The following HECW1 variants were observed in gnomAD, a reference collection of about 807,000 sequenced individuals.
HECW1 encodes E3 ubiquitin-protein ligase HECW1.
In HECW1, 61 loss-of-function variants were observed where a neutral mutation model predicts 182.3. That is an observed-to-expected ratio of 0.33 (90% confidence interval 0.27 to 0.41). The LOEUF (loss-of-function observed/expected upper bound fraction) is 0.41. HECW1 is among the 10% of genes least tolerant of loss of function. The probability of loss-of-function intolerance (pLI) is 1.00; values close to 1 mark genes in which losing one functional copy is unlikely to be tolerated. For missense variants in HECW1, 1,739 were observed against 2,108.9 expected (o/e 0.82, Z 3.44); for synonymous variants, 859 against 832.6 (o/e 1.03, Z -0.55).
chr7:43,134,911 T>G (rs1409808827), intron 2 of HECW1, among the ~76,000 whole-genome samples: 1 of 152,222 alleles, frequency 6.6e-6, no homozygotes, highest in East Asian at 1.9e-4. Flanking sequence ...TTTAAGAGTT[T>G]TAAAAAATGT....
chr7:43,558,590 G>A (rs1056652355), intron 29 of HECW1, among the ~76,000 whole-genome samples: 1 of 152,112 alleles, frequency 6.6e-6, no homozygotes, highest in Non-Finnish European at 1.5e-5. Context: ...AGAAGCCAAG[G>A]ATGCTGCTAA....
intron 2 of HECW1, among the ~76,000 whole-genome samples, chr7:43,144,702 C>T (rs566291531): frequency 6.6e-6 from 1 of 152,156 alleles, no homozygotes; most frequent in Admixed American, 6.5e-5. Context: ...TTTTCTAGAG[C>T]ACTTTCTTAT....
Position 43,450,695 on chromosome 7 carries a change from G to A in HECW1, c.2399-133G>A, listed in dbSNP as rs549757596. ...CGAATGACTGTGAATGTAGCAAACT[G>A]ACACACACACACAAATGGATTTCCC... On this transcript the variant is annotated intron_variant, in intron 11 of 29. Coordinates refer to ENST00000395891, the MANE Select transcript of HECW1 (RefSeq NM_015052.5). 9.5e-6 allele frequency: 6 copies of A among 631,340 alleles called. No homozygotes were observed. The Admixed American group carries it at 1.6e-4, about 17-fold the overall frequency. The allele number at this position is 631,340 out of a possible 1,614,324, so 39.1% of individuals were successfully genotyped here.
intron 8 of HECW1, among the ~76,000 whole-genome samples, chr7:43,437,139 C>T (rs1040825731): frequency 9.9e-5 from 15 of 152,226 alleles, no homozygotes; most frequent in African/African-American, 3.4e-4. Flanking sequence ...CCCCTCTAGA[C>T]ATTTTCTCTG....
chr7:43,351,678 C>CTTTT lies in HECW1; in HGVS notation c.461-9192_461-9189dup, dbSNP rs200929407. 5.8e-5 allele frequency among the ~76,000 whole-genome samples: 7 copies of CTTTT among 120,546 alleles called. No individual in the cohort carries two copies. The East Asian group carries it at 7.1e-4, about 12-fold the overall frequency. 79.1% of individuals were successfully genotyped at this position (120,546 alleles called of 152,430 possible). ...TTGTCAGCTGTTTTTTTTCTTTCTT[C>CTTTT]TTTTTTTTTTTTTTTTTTTACATTG... On this transcript the variant is annotated intron_variant, in intron 5 of 29. Transcript: ENST00000395891.
At chr7:43,307,929 T>C (rs117812813) in intron 3 of HECW1, among the ~76,000 whole-genome samples, 1,847 of 106,134 alleles carry the variant, frequency 0.017, 52 homozygotes, top group African/African-American at 0.053. Flanking sequence ...CACACACACA[T>C]ATAGTGAAAT....
At chr7:43,295,186 C>A (rs773827455) in intron 3 of HECW1, among the ~76,000 whole-genome samples, 1 of 151,990 alleles carries the variant, frequency 6.6e-6, no homozygotes, top group South Asian at 2.1e-4. Context: ...AGCAGAGGGA[C>A]GACTTTGAGT....
intron 2 of HECW1, among the ~76,000 whole-genome samples, chr7:43,164,978 C>G (rs762301079): frequency 5.3e-5 from 8 of 152,192 alleles, no homozygotes; most frequent in East Asian, 1.9e-4. Flanking sequence ...AGGTTCCTCT[C>G]TCTCTGAGTC....
chr7:43,474,997 T>C (rs2078167736), intron 16 of HECW1, among the ~76,000 whole-genome samples: 1 of 152,198 alleles, frequency 6.6e-6, no homozygotes. Flanking sequence ...TGAGGAGTTA[T>C]TGTTTTGTGG....
chr7:43,447,168 C>CTT (rs34563804), intron 11 of HECW1, among the ~76,000 whole-genome samples: 72 of 146,392 alleles, frequency 4.9e-4, no homozygotes, highest in African/African-American at 8.5e-4. Context: ...CACTAAAAAG[C>CTT]TTTTTTTTTT....
At chr7:43,422,393 C>T (rs1469118132) in intron 8 of HECW1, among the ~76,000 whole-genome samples, 3 of 144,204 alleles carry the variant, frequency 2.1e-5, no homozygotes, top group Non-Finnish European at 4.5e-5. Flanking sequence ...TGAGGAGTCT[C>T]GCTCTGTCAC....
intron 3 of HECW1, among the ~76,000 whole-genome samples, chr7:43,250,133 A>G (rs564232334): frequency 2.5e-4 from 25 of 101,172 alleles, no homozygotes; most frequent in Admixed American, 7.6e-4. Context: ...ACACACACAC[A>G]CGCGCACACA....
intron 3 of HECW1, among the ~76,000 whole-genome samples, chr7:43,291,380 G>A (rs1335208902): frequency 2.0e-5 from 3 of 152,168 alleles, no homozygotes; most frequent in Non-Finnish European, 4.4e-5. Flanking sequence ...ATAGGTAAAG[G>A]CAAGGGAGAA....
intron 3 of HECW1, among the ~76,000 whole-genome samples, chr7:43,306,463 G>C (rs947097882): frequency 6.6e-6 from 1 of 151,644 alleles, no homozygotes. Flanking sequence ...GCATCTTCTT[G>C]ATCAAAGTAA....
chr7:43,467,765 A>C lies in HECW1; in HGVS notation c.2914-1155A>C, dbSNP rs551739976. Among the ~76,000 whole-genome samples, 6 of 152,216 alleles carry C rather than the reference A, an allele frequency of 3.9e-5. No homozygotes were observed. In the South Asian group the frequency reaches 1.3e-3, roughly 32 times the overall value. ...TCCACCGTGATCACGAGTGGGTGCA[A>C]GATGAGAACTCAAAAAAGACAGTGT... On this transcript the variant is annotated intron_variant, in intron 15 of 29. Transcript: ENST00000395891.
chr7:43,536,986 C>G (rs1471718832), intron 24 of HECW1, among the ~76,000 whole-genome samples: 1 of 152,206 alleles, frequency 6.6e-6, no homozygotes, highest in African/African-American at 2.4e-5. Flanking sequence ...AACCACACGT[C>G]TGTGATGTGC....
intron 2 of HECW1, chr7:43,117,870 G>T (rs1010769157): frequency 6.6e-6 from 1 of 152,466 alleles, no homozygotes; most frequent in Non-Finnish European, 1.5e-5. Context: ...GCAACAAGTG[G>T]TATACACTGT....
chr7:43,288,746 A>G (rs912331757), intron 3 of HECW1, among the ~76,000 whole-genome samples: 3 of 152,198 alleles, frequency 2.0e-5, no homozygotes, highest in Non-Finnish European at 2.9e-5. Context: ...CTCTCTTGTC[A>G]GAGACATTTT....
At chr7:43,506,397 C>T (rs556334105) in intron 21 of HECW1, among the ~76,000 whole-genome samples, 76 of 152,256 alleles carry the variant, frequency 5.0e-4, no homozygotes, top group African/African-American at 1.8e-3. Flanking sequence ...CATCCATGTC[C>T]TTTTAAGAGA....
Sources: gnomAD v4.1 joint callset for allele counts (sites outside exome capture counted in the v4.1 genomes callset) on GRCh38, gnomAD v4.1.1 for gene constraint, MANE v1.5 for transcripts, NCBI Gene and HGNC (gene_info 2026-07-23, HGNC 2026-07-21) for gene names.